MFHAS1: variants seen among roughly 807,000 people sequenced by gnomAD.
The protein encoded by MFHAS1 is malignant fibrous histiocytoma-amplified sequence 1.
In MFHAS1, 50 loss-of-function variants were observed where a neutral mutation model predicts 70.4. The ratio of observed to expected loss-of-function variants is 0.71; its 90% confidence interval spans 0.57 to 0.90. MFHAS1 has a LOEUF of 0.90. MFHAS1 is among the 40% of genes least tolerant of loss of function. MFHAS1 has a pLI of 0.00. For missense variants in MFHAS1, 1,795 were observed against 1,347.6 expected, an observed-to-expected ratio of 1.33 and a Z score of -5.20; for synonymous variants, 952 against 620.0, an observed-to-expected ratio of 1.54 and a Z score of -7.96.
In MFHAS1 at chr8:8,890,264, G is replaced by C; in HGVS notation, c.2795C>G (p.Ala932Gly). The C allele has an allele frequency of 6.2e-7, 1 of 1,614,162 alleles. No homozygotes were observed. Among genetic ancestry groups the C allele is most frequent in the African/African-American group, 1.3e-5 (1 of 75,054 alleles). ...KVPVVVSYRP[A>G]RGVLQPDTLS... The stretch of plus-strand genomic sequence containing the variant: ...GGTGTCTGGCTGCAGGACTCCCCTG[G>C]CAGGTCTGTAACTCACAACCACAGG... The change falls in exon 1 of 3, where the codon GCC becomes GGC. Residue 932 changes from alanine to glycine, a missense_variant. By Grantham distance (60) the Ala-to-Gly change is moderately conservative (BLOSUM62 0). Transcript: ENST00000276282.
intron 1 of MFHAS1, among the ~76,000 whole-genome samples, chr8:8,874,020 T>A (rs531607972): frequency 6.6e-6 from 1 of 152,186 alleles, no homozygotes; most frequent in Non-Finnish European, 1.5e-5. Context: ...CAAAGCCAAT[T>A]TAAAAAAATT....
At chr8:8,812,055 T>G (rs1806568222) in intron 1 of MFHAS1, among the ~76,000 whole-genome samples, 1 of 152,200 alleles carries the variant, frequency 6.6e-6, no homozygotes, top group Non-Finnish European at 1.5e-5. Flanking sequence ...GATTACTGGA[T>G]CTTTTTCAAA....
chr8:8,845,443 C>T lies in MFHAS1; in HGVS notation c.2998+44618G>A, dbSNP rs187430339. ...CAAGCCTGGGTGCACGCTTATCTAG[C>T]GGCAGACCCAGGAGCAGAAGATTAT... On this transcript the variant is annotated intron_variant, in intron 1 of 2. Transcript: ENST00000276282. Among the ~76,000 whole-genome samples, 11 of 152,244 alleles carry T rather than the reference C, an allele frequency of 7.2e-5. 1 individual carries two copies. Among genetic ancestry groups the T allele is most frequent in the East Asian group, 5.8e-4 (3 of 5,174 alleles).
intron 1 of MFHAS1, among the ~76,000 whole-genome samples, chr8:8,831,636 G>T (rs1807392234): frequency 2.1e-5 from 3 of 144,882 alleles, no homozygotes; most frequent in African/African-American, 7.8e-5. Flanking sequence ...TTTTTTTTGA[G>T]ACAGTCTCAC....
intron 1 of MFHAS1, among the ~76,000 whole-genome samples, chr8:8,867,049 A>G (rs1167805848): frequency 2.0e-5 from 3 of 152,230 alleles, no homozygotes; most frequent in Non-Finnish European, 4.4e-5. Flanking sequence ...GGTATGATCT[A>G]TTTTTAGCTT....
chr8:8,832,923 C>G (rs571379162), intron 1 of MFHAS1, among the ~76,000 whole-genome samples: 1 of 151,930 alleles, frequency 6.6e-6, no homozygotes, highest in African/African-American at 2.4e-5. Context: ...TACTTGAGAC[C>G]GGGTAATTTA....
intron 1 of MFHAS1, among the ~76,000 whole-genome samples, chr8:8,883,505 C>A (rs1366703982): frequency 1.3e-5 from 2 of 151,250 alleles, no homozygotes; most frequent in Non-Finnish European, 2.9e-5. Flanking sequence ...GTCAGGAGTT[C>A]AAGACGAGCC....
chr8:8,824,931 C>A (rs1057305696), intron 1 of MFHAS1, among the ~76,000 whole-genome samples: 2 of 152,244 alleles, frequency 1.3e-5, no homozygotes, highest in Non-Finnish European at 2.9e-5. Context: ...GTCAGATGCG[C>A]TTCTCTGCCC....
intron 1 of MFHAS1, among the ~76,000 whole-genome samples, chr8:8,812,652 C>T (rs369486515): frequency 1.5e-4 from 23 of 152,066 alleles, no homozygotes; most frequent in Non-Finnish European, 2.5e-4. Flanking sequence ...ACTGTCTTGG[C>T]GGGAAGGGGT....
intron 1 of MFHAS1, among the ~76,000 whole-genome samples, chr8:8,868,227 T>C (rs961404222): frequency 1.3e-5 from 2 of 151,938 alleles, no homozygotes; most frequent in Non-Finnish European, 2.9e-5. Context: ...AATGAATAAA[T>C]ATCCTGACAA....
chr8:8,835,617 C>G (rs913095292), intron 1 of MFHAS1, among the ~76,000 whole-genome samples: 2 of 152,156 alleles, frequency 1.3e-5, no homozygotes, highest in Non-Finnish European at 1.5e-5. Flanking sequence ...TAATTTTCAG[C>G]ACTTATTAAT....
At chr8:8,804,823 G>A (rs541469535) in intron 1 of MFHAS1, among the ~76,000 whole-genome samples, 1 of 152,342 alleles carries the variant, frequency 6.6e-6, no homozygotes, top group African/African-American at 2.4e-5. Context: ...GCGCCTTTCA[G>A]TTTTCCTTTC....
chr8:8,832,699 G>C (rs1362617139), intron 1 of MFHAS1, among the ~76,000 whole-genome samples: 2 of 136,740 alleles, frequency 1.5e-5, no homozygotes, highest in Non-Finnish European at 3.0e-5. Flanking sequence ...CTCAATCATA[G>C]CTGACGGCCA....
chr8:8,811,463 A>G (rs1806545621), intron 1 of MFHAS1, among the ~76,000 whole-genome samples: 1 of 152,036 alleles, frequency 6.6e-6, no homozygotes, highest in South Asian at 2.1e-4. Flanking sequence ...TTTTTTGTAG[A>G]GATGAGGTCT....
At position 8,785,838 on chromosome 8, in the gene MFHAS1, G is replaced by A. The variant is rs1805522161; in HGVS notation, c.*184C>T. 9.1e-6 allele frequency: 5 copies of A among 550,728 alleles called. No individual in the cohort carries two copies. Among genetic ancestry groups the A allele is most frequent in the Admixed American group, 2.8e-5 (1 of 36,306 alleles). The allele number at this position is 550,728 out of a possible 1,614,324, so 34.1% of individuals were successfully genotyped here. A position where few individuals can be genotyped will look rare whatever the true frequency, so the allele number is the denominator to read the frequency against. On this transcript the variant is annotated 3_prime_UTR_variant, in exon 3 of 3. Transcript: ENST00000276282. The stretch of plus-strand genomic sequence containing the variant: ...ACATTTGCTCCATGTTCTCGTCCAT[G>A]CTTCCCCCCACCACCCCCTCCCCAC...
intron 1 of MFHAS1, among the ~76,000 whole-genome samples, chr8:8,853,778 C>T (rs924301346): frequency 1.3e-5 from 2 of 152,114 alleles, no homozygotes; most frequent in African/African-American, 4.8e-5. Context: ...GTTGGGCAGG[C>T]TAGTCTCGAA....
At chr8:8,864,630 G>A (rs924986627) in intron 1 of MFHAS1, among the ~76,000 whole-genome samples, 1 of 152,126 alleles carries the variant, frequency 6.6e-6, no homozygotes, top group African/African-American at 2.4e-5. Context: ...CATAAAATTA[G>A]CTACTCTCTT....
At chr8:8,802,138 C>A (rs1806103042) in intron 1 of MFHAS1, among the ~76,000 whole-genome samples, 1 of 152,162 alleles carries the variant, frequency 6.6e-6, no homozygotes, top group African/African-American at 2.4e-5. Flanking sequence ...TATGTACCAT[C>A]TCAGTCTTCA....
At chr8:8,858,716 C>A (rs1261539645) in intron 1 of MFHAS1, among the ~76,000 whole-genome samples, 1 of 151,988 alleles carries the variant, frequency 6.6e-6, no homozygotes, top group Non-Finnish European at 1.5e-5. Context: ...TGAAGTTGGC[C>A]CTCGGGACCT....
Sources: gnomAD v4.1 joint callset for allele counts (sites outside exome capture counted in the v4.1 genomes callset) on GRCh38, gnomAD v4.1.1 for gene constraint, MANE v1.5 for transcripts, NCBI Gene and HGNC (gene_info 2026-07-23, HGNC 2026-07-21) for gene names.